Variants in LRP4 observed in about 807,000 individuals in gnomAD.
The protein encoded by LRP4 is LDL receptor related protein 4.
Under a neutral mutation model 220.3 loss-of-function variants are expected in LRP4, and 95 were observed. The ratio of observed to expected loss-of-function variants is 0.43; its 90% confidence interval spans 0.37 to 0.51. LRP4 has a LOEUF of 0.51. Among genes scored for constraint, LRP4 ranks in the 20% least tolerant of loss-of-function variants. The probability of loss-of-function intolerance (pLI) is 0.00; values close to 1 mark genes in which losing one functional copy is unlikely to be tolerated. For synonymous variants in LRP4, 903 were observed against 954.6 expected, an observed-to-expected ratio of 0.95 and a Z score of 1.00; for missense variants, 1,925 against 2,567.0, an observed-to-expected ratio of 0.75 and a Z score of 5.40.
rs1407907893 is a variant in LRP4, at chr11:46,873,127, C to T, written c.4556G>A (p.Gly1519Asp). ...GCGGGTATCATAGTCCAGGGTAAGG[C>T]CATTGGGCCAACCCAGGTCTGTGTT... ...LINTDLGWPN[G>D]LTLDYDTRRI... is the part of the protein sequence containing the mutation. Residue 1519 changes from glycine (G) to aspartate (D), a missense_variant, in exon 30 of 38, where the codon GGC becomes GAC. Transcript: ENST00000378623. This position sits in a 1 kb window ranked among gnomAD's most constrained non-coding sequence, Gnocchi z 4.2. The T allele has an allele frequency of 1.2e-6, 2 of 1,614,080 alleles. No homozygotes were observed. The highest frequency in any genetic ancestry group is 1.7e-6 in the Non-Finnish European group (2 of 1,180,052).
chr11:46,863,960 A>G (rs1335164719), intron 36 of LRP4, among the ~76,000 whole-genome samples: 1 of 152,228 alleles, frequency 6.6e-6, no homozygotes, highest in Admixed American at 6.5e-5. Context: ...GGGAAAATAT[A>G]AAGAAAGAGG....
At position 46,898,604 on chromosome 11, in the gene LRP4, G is replaced by A. The variant is rs758493823; in HGVS notation, c.750C>T (p.Cys250=). The change falls in exon 7 of 38, where the codon TGC becomes TGT. Residue 250 remains cysteine, a synonymous_variant. Transcript: ENST00000378623. ...GGTCATCACAGTCCGCGTCACCATC[G>A]CAGCGCCAGCCTGCATTGATGCACA... The part of the protein sequence containing the change: ...SGLCINAGWR[C]DGDADCDDQS... The A allele has an allele frequency of 5.6e-6, 9 of 1,614,170 alleles. No individual in the cohort carries two copies. The highest frequency in any genetic ancestry group is 6.8e-6 in the Non-Finnish European group (8 of 1,180,034).
rs1941403632 is a variant in LRP4, at chr11:46,890,713, G to T, written c.1698-219C>A. Reference sequence around the variant, plus strand: ...CGGCCTCAATCTCCTGGGCTCAGAAGGCCTCCCACTTCAGCCTTCTGAGCA... The same window carrying T: ...CGGCCTCAATCTCCTGGGCTCAGAATGCCTCCCACTTCAGCCTTCTGAGCA... On this transcript the variant is annotated intron_variant, in intron 13 of 37. Transcript: ENST00000378623. This position sits in a 1 kb window ranked among gnomAD's most constrained non-coding sequence, Gnocchi z 5.3. Among the ~76,000 whole-genome samples, 1 of 151,968 alleles carries T rather than the reference G, an allele frequency of 6.6e-6. No individual in the cohort carries two copies. Among genetic ancestry groups the T allele is most frequent in the South Asian group, 2.1e-4 (1 of 4,814 alleles).
At chr11:46,868,943 A>G (rs1394996960) in intron 32 of LRP4, 45 bp downstream of exon 32, 1 of 1,613,728 alleles carries the variant, frequency 6.2e-7, no homozygotes, top group Non-Finnish European at 8.5e-7. Flanking sequence ...TGACCGACCA[A>G]TCCCACAGAT....
rs1321285635 is a variant in LRP4, at chr11:46,899,357, C to T, written c.547+30G>A. 1.3e-6 allele frequency: 2 copies of T among 1,550,448 alleles called. No individual in the cohort carries two copies. Among genetic ancestry groups the T allele is most frequent in the South Asian group, 2.2e-5 (2 of 89,904 alleles). On this transcript the variant is annotated intron_variant, in intron 5 of 37. Transcript: ENST00000378623. The surrounding 1 kb of genome is among the most constrained non-coding windows in gnomAD (Gnocchi z 5.9). ...GGCAGAACTGTCTGCCCTCATCCAA[C>T]CCAACAGCCTGAGGTCTGGGGCCAC...
intron 16 of LRP4, among the ~76,000 whole-genome samples, chr11:46,888,563 A>AAAAG (rs1242819754): frequency 6.9e-6 from 1 of 145,220 alleles, no homozygotes; most frequent in African/African-American, 2.7e-5. Context: ...AAAAAAAAAA[A>AAAAG]AAAAAAAAAA....
Position 46,899,597 on chromosome 11 carries a change from G to C in LRP4, c.431-94C>G. 1.0e-6 allele frequency: 1 copy of C among 965,188 alleles called. No homozygotes were observed. The highest frequency in any genetic ancestry group is 2.4e-5 in the East Asian group (1 of 42,006). 59.8% of individuals were successfully genotyped at this position (965,188 alleles called of 1,614,324 possible). ...ACTCCCAACCTCACTGGCTTTGGCG[G>C]GTCTGACCTAGCCCCCGAAAGGCAC... On this transcript the variant is annotated intron_variant, in intron 4 of 37. Coordinates refer to ENST00000378623, the MANE Select transcript of LRP4 (RefSeq NM_002334.4). This position sits in a 1 kb window ranked among gnomAD's most constrained non-coding sequence, Gnocchi z 5.9.
rs927124272 is a variant in LRP4 at position 46,890,856 on chromosome 11, A to G, written c.1698-362T>C. ...CAATCCTCCTGCTTTGTCCTTTCAA[A>G]GTACTGGGATTATAGGCATGAGTCA... On this transcript the variant is annotated intron_variant, in intron 13 of 37. Coordinates refer to ENST00000378623, the MANE Select transcript of LRP4 (RefSeq NM_002334.4). The surrounding 1 kb of genome is among the most constrained non-coding windows in gnomAD (Gnocchi z 5.3). Among the ~76,000 whole-genome samples the G allele has an allele frequency of 1.3e-5, 2 of 152,106 alleles. No individual in the cohort carries two copies. The highest frequency in any genetic ancestry group is 2.9e-5 in the Non-Finnish European group (2 of 68,018).
Position 46,869,017 on chromosome 11 carries a change from A to C in LRP4, c.4808T>G (p.Ile1603Ser). The change falls in exon 32 of 38, where the codon ATC (isoleucine) becomes AGC (serine). Residue 1603 changes from isoleucine to serine, a missense_variant. Physicochemically the swap from Ile to Ser is moderately radical, Grantham distance 142 (BLOSUM62 -2). Transcript: ENST00000378623. Reference protein sequence around the residue: ...VLANVEGLMDIIVVSPQRQTG... With the variant: ...VLANVEGLMDSIVVSPQRQTG... ...CTGCCGCTGAGGGGAAACCACGATG[A>C]TATCCATGAGTCCTTCCACATTTGC... 1 of 1,614,128 alleles carries C rather than the reference A, an allele frequency of 6.2e-7. No homozygotes were observed. The highest frequency in any genetic ancestry group is 8.5e-7 in the Non-Finnish European group (1 of 1,180,020).
At chr11:46,891,154 C>T (rs546847726) in intron 13 of LRP4, among the ~76,000 whole-genome samples, 100 of 152,124 alleles carry the variant, frequency 6.6e-4, no homozygotes, top group African/African-American at 2.3e-3. Context: ...CGCTCTGTTG[C>T]CCAGGCTGGA....
intron 1 of LRP4, among the ~76,000 whole-genome samples, chr11:46,904,498 T>TGGATGGATGGAC (rs1241326817): frequency 9.2e-6 from 1 of 108,510 alleles, no homozygotes; most frequent in Non-Finnish European, 2.0e-5. Context: ...GATGGATGGA[T>TGGATGGATGGAC]GGACGGACAG....
rs1941046156 is a variant in LRP4 at position 46,877,297 on chromosome 11, C to T, written c.3179G>A (p.Arg1060His). 4 of 1,613,902 alleles carry T rather than the reference C, an allele frequency of 2.5e-6. No individual in the cohort carries two copies. The highest frequency in any genetic ancestry group is 3.4e-6 in the Non-Finnish European group (4 of 1,179,922). Residue 1060 changes from arginine to histidine, a missense_variant, in exon 23 of 38, where the codon CGC (arginine) becomes CAC (histidine). Around this residue, in one of 3 missense-constraint regions of LRP4, gnomAD observed 1,244 missense variants for 1,624.9 expected, o/e 0.77. Coordinates refer to ENST00000378623, the MANE Select transcript of LRP4 (RefSeq NM_002334.4). ...FLIFARRIDIRMVSLDIPYFA... is the reference protein window; with the variant it reads ...FLIFARRIDIHMVSLDIPYFA... ...ATAAGGGATGTCCAGGGAGACCATG[C>T]GAATGTCTATCCTCCTGGCGAAGAT... is the stretch of plus-strand genomic sequence containing the variant.
Position 46,875,224 on chromosome 11 carries a change from AGGGT to A in LRP4, c.3926-125_3926-122del. 9.1e-7 allele frequency: 1 copy of A among 1,096,122 alleles called. No homozygotes were observed. The allele number at this position is 1,096,122 out of a possible 1,614,324, so 67.9% of individuals were successfully genotyped here. On this transcript the variant is annotated intron_variant, in intron 27 of 37. Coordinates refer to ENST00000378623, the MANE Select transcript of LRP4 (RefSeq NM_002334.4). The surrounding 1 kb of genome is among the most constrained non-coding windows in gnomAD (Gnocchi z 4.5). ...TAAGTGACAGGATTCAGTGCCTGGCAGGGTGAGGTAGAAGGAGGGTCTGCAGGAG... is the reference window on the plus strand; with the variant it reads ...TAAGTGACAGGATTCAGTGCCTGGCAGAGGTAGAAGGAGGGTCTGCAGGAG...
chr11:46,869,445 T>C (rs1447558493), intron 31 of LRP4, among the ~76,000 whole-genome samples: 3 of 152,326 alleles, frequency 2.0e-5, no homozygotes, highest in East Asian at 3.9e-4. Context: ...AAGAATGTGT[T>C]CTATTCATCT....
At chr11:46,885,338 T>C (rs1365691357) in intron 18 of LRP4, among the ~76,000 whole-genome samples, 2 of 152,158 alleles carry the variant, frequency 1.3e-5, no homozygotes, top group Non-Finnish European at 2.9e-5. Flanking sequence ...AATCTGCATG[T>C]CCAACAACTT....
intron 32 of LRP4, 137 bp from the exon 33 acceptor site, chr11:46,868,850 G>A: frequency 4.5e-6 from 6 of 1,337,816 alleles, no homozygotes; most frequent in Non-Finnish European, 3.2e-6. Context: ...CCGCGAGGGA[G>A]TAAAAAGTTC....
In LRP4 at chr11:46,898,618, C is replaced by T; in HGVS notation, c.736G>A (p.Ala246Thr). Residue 246 changes from alanine to threonine, a missense_variant, in exon 7 of 38, where the codon GCA becomes ACA. Physicochemically the swap from Ala to Thr is moderately conservative, Grantham distance 58. This residue lies in a region of LRP4 where 412 missense variants were observed against 505.4 expected (regional missense o/e 0.82). Coordinates refer to ENST00000378623, the MANE Select transcript of LRP4 (RefSeq NM_002334.4). ...GCGTCACCATCGCAGCGCCAGCCTG[C>T]ATTGATGCACAGGCCACTGTCACAC... ...FMCDSGLCIN[A>T]GWRCDGDADC... is the part of the protein sequence containing the mutation. 6 of 1,614,200 alleles carry T rather than the reference C, an allele frequency of 3.7e-6. No homozygotes were observed. Among genetic ancestry groups the T allele is most frequent in the Non-Finnish European group, 5.1e-6 (6 of 1,180,030 alleles).
At chr11:46,887,432 C>T (rs527492233) in intron 16 of LRP4, among the ~76,000 whole-genome samples, 2 of 152,170 alleles carry the variant, frequency 1.3e-5, no homozygotes, top group South Asian at 2.1e-4. Flanking sequence ...GGCATGGTGG[C>T]TCATGCCTGT....
chr11:46,886,568 C>T (rs1941297773), intron 16 of LRP4, 35 bp from the exon 17 acceptor site: 3 of 1,563,274 alleles, frequency 1.9e-6, no homozygotes, highest in Non-Finnish European at 1.8e-6. Context: ...TCTTTTAATG[C>T]TCTAAATCCA....
Sources: allele counts gnomAD v4.1 joint callset (sites outside exome capture counted in the v4.1 genomes callset), GRCh38; gene constraint gnomAD v4.1.1; regional missense constraint gnomAD v4.1.1; non-coding constraint Gnocchi (gnomAD v3.1); transcripts MANE v1.5; gene names NCBI Gene and HGNC (gene_info 2026-07-23, HGNC 2026-07-21).